Variants in TENM2 observed in about 807,000 individuals in gnomAD.
TENM2 encodes teneurin transmembrane protein 2.
TENM2 carries 52 observed loss-of-function variants against 245.2 expected under a neutral mutation model. The observed-to-expected ratio is 0.21, with a 90% CI of 0.17 to 0.27. The LOEUF (loss-of-function observed/expected upper bound fraction) is 0.27, where lower values mean the gene tolerates loss of function less well. TENM2 is among the 10% of genes least tolerant of loss of function. TENM2 has a pLI of 1.00. For synonymous variants in TENM2, 1,363 were observed against 1,438.9 expected, an observed-to-expected ratio of 0.95 and a Z score of 1.19; for missense variants, 3,046 against 3,666.8, an observed-to-expected ratio of 0.83 and a Z score of 4.37.
rs1417633369 is a variant in TENM2, at chr5:168,158,827, GTGTA to G, written c.2423-3782_2423-3779del. 1.7e-3 allele frequency among the ~76,000 whole-genome samples: 120 copies of G among 69,486 alleles called. 2 individuals are homozygous for G. The East Asian group carries it at 0.033, about 19-fold the overall frequency. 45.6% of individuals were successfully genotyped at this position (69,486 alleles called of 152,430 possible). A position where few individuals can be genotyped will look rare whatever the true frequency, so the allele number is the denominator to read the frequency against. On this transcript the variant is annotated intron_variant, in intron 12 of 28. Coordinates refer to ENST00000518659, the Ensembl canonical transcript of TENM2. ...AAAAAATGTGTGTGTGTGTGTGTGT[GTGTA>G]TATATATATATATATATATACACAC...
At chr5:167,532,292 T>G (rs1184928983) in intron 2 of TENM2, among the ~76,000 whole-genome samples, 1 of 149,770 alleles carries the variant, frequency 6.7e-6, no homozygotes, top group Non-Finnish European at 1.5e-5. Flanking sequence ...ATGCATGCTC[T>G]CTCTCTCTCT....
chr5:167,189,283 C>T, the TENM2 span, among the ~76,000 whole-genome samples: 15 of 152,170 alleles, frequency 9.9e-5, no homozygotes, highest in Non-Finnish European at 2.1e-4. Context: ...CTATTTGTTA[C>T]GTAGTGTGGA....
intron 5 of TENM2, among the ~76,000 whole-genome samples, chr5:168,028,800 A>C (rs1786848730): frequency 3.6e-5 from 1 of 27,734 alleles, no homozygotes; most frequent in South Asian, 1.7e-3. Flanking sequence ...AGCAACTGTC[A>C]AAAAAAAAAA....
chr5:167,206,133 C>G, the TENM2 span, among the ~76,000 whole-genome samples: 1 of 152,178 alleles, frequency 6.6e-6, no homozygotes, highest in African/African-American at 2.4e-5. Context: ...ACAAATCTTG[C>G]TTACCACAGA....
At chr5:167,321,808 G>C (rs1284153405) in intron 1 of TENM2, among the ~76,000 whole-genome samples, 3 of 24,214 alleles carry the variant, frequency 1.2e-4, no homozygotes, top group African/African-American at 4.8e-4. Context: ...TTTTGGGGGG[G>C]GGGGCGGGGG....
At chr5:167,571,574 A>G (rs10042499) in intron 2 of TENM2, among the ~76,000 whole-genome samples, 99,074 of 151,960 alleles carry the variant, frequency 0.65, 32,650 homozygotes, top group Middle Eastern at 0.74. Context: ...CCACTCAGGG[A>G]ACCCACCTCC....
chr5:168,052,591 G>A (rs1789202734), intron 6 of TENM2, among the ~76,000 whole-genome samples: 2 of 152,072 alleles, frequency 1.3e-5, no homozygotes, highest in Admixed American at 6.5e-5. Flanking sequence ...AACCCCAGAT[G>A]AGGATTTCTT....
At chr5:168,092,062 T>C (rs1792990044) in intron 8 of TENM2, among the ~76,000 whole-genome samples, 1 of 152,230 alleles carries the variant, frequency 6.6e-6, no homozygotes, top group South Asian at 2.1e-4. Flanking sequence ...TCTTTTTCTA[T>C]TGATTACATT....
rs1191362840 is a variant in TENM2, at chr5:167,901,469, A to G, written c.712+25274A>G. On this transcript the variant is annotated intron_variant, in intron 3 of 28. Transcript: ENST00000518659. ...CAGCACCATGAACCAGCACGCAGTGACACTGTGGTCTAGAGTTTGGGTTCT... is the reference window on the plus strand; with the variant it reads ...CAGCACCATGAACCAGCACGCAGTGGCACTGTGGTCTAGAGTTTGGGTTCT... Among the ~76,000 whole-genome samples, 6 of 152,200 alleles carry G rather than the reference A, an allele frequency of 3.9e-5. No individual in the cohort carries two copies. In the East Asian group the frequency reaches 1.2e-3, roughly 29 times the overall value.
chr5:167,016,832 A>G, the TENM2 span, among the ~76,000 whole-genome samples: 1 of 152,192 alleles, frequency 6.6e-6, no homozygotes, highest in Non-Finnish European at 1.5e-5. Context: ...GAATGGAGCA[A>G]AATACATTCT....
In TENM2 at chr5:168,218,541, T is replaced by A. The variant is rs1335029540; in HGVS notation, c.4650T>A (p.Ala1550=). ...TCTTGAATTCCCCATCATCCTTAGC[T>A]GTAGCTCCAGATGGTACCATTTACA... The change falls in exon 23 of 29, where the codon GCT becomes GCA. Residue 1550 remains alanine (A), a synonymous_variant. Coordinates refer to ENST00000518659, the Ensembl canonical transcript of TENM2. The surrounding 1 kb of genome is among the most constrained non-coding windows in gnomAD (Gnocchi z 5.2). The A allele has an allele frequency of 1.9e-6, 3 of 1,614,028 alleles. No individual in the cohort carries two copies. In the Admixed American group the frequency reaches 5.0e-5, roughly 27 times the overall value.
At chr5:168,126,848 C>A (rs747088134) in exon 12 of TENM2, 4 of 1,610,674 alleles carry the variant, frequency 2.5e-6, no homozygotes, top group Non-Finnish European at 3.4e-6. Flanking sequence ...GTGACCAGCG[C>A]GTGTGCCACC....
chr5:167,978,902 ATAGT>A (rs1782632104), intron 4 of TENM2, among the ~76,000 whole-genome samples: 1 of 152,174 alleles, frequency 6.6e-6, no homozygotes, highest in African/African-American at 2.4e-5. Context: ...AGACAACAAG[ATAGT>A]TAGGCTAGAG....
chr5:168,249,129 A>G (rs1766864492), intron 27 of TENM2, among the ~76,000 whole-genome samples: 1 of 152,000 alleles, frequency 6.6e-6, no homozygotes, highest in Non-Finnish European at 1.5e-5. Context: ...GTCTCAAAAA[A>G]AAAAAAAAAA....
the TENM2 span, among the ~76,000 whole-genome samples, chr5:167,139,197 A>G: frequency 6.6e-6 from 1 of 152,222 alleles, no homozygotes; most frequent in African/African-American, 2.4e-5. Context: ...GTATGGCCAA[A>G]TTTCAATGAT....
chr5:168,154,472 G>C (rs139172823), intron 12 of TENM2, among the ~76,000 whole-genome samples: 85 of 152,214 alleles, frequency 5.6e-4, no homozygotes, highest in African/African-American at 2.0e-3. Flanking sequence ...TGATCCACCC[G>C]CCTCAACCTC....
chr5:167,582,311 G>A (rs1006712234), intron 2 of TENM2, among the ~76,000 whole-genome samples: 18 of 152,286 alleles, frequency 1.2e-4, no homozygotes, highest in African/African-American at 3.8e-4. Context: ...ATATGTAATT[G>A]AGCATATGTT....
the TENM2 span, among the ~76,000 whole-genome samples, chr5:167,258,077 A>G: frequency 6.6e-6 from 1 of 151,938 alleles, no homozygotes. Flanking sequence ...ATTCATAATG[A>G]TCATTTTAAG....
the TENM2 span, among the ~76,000 whole-genome samples, chr5:167,087,575 T>C: frequency 6.6e-6 from 1 of 152,182 alleles, no homozygotes; most frequent in Admixed American, 6.5e-5. Flanking sequence ...TTCTAACACA[T>C]AGAATAGTAC....
Sources: allele counts gnomAD v4.1 joint callset (sites outside exome capture counted in the v4.1 genomes callset), GRCh38; gene constraint gnomAD v4.1.1; non-coding constraint Gnocchi (gnomAD v3.1); transcripts MANE v1.5; gene names NCBI Gene and HGNC (gene_info 2026-07-23, HGNC 2026-07-21).